Variants in NOS1AP observed in about 807,000 individuals in gnomAD.
The protein encoded by NOS1AP is carboxyl-terminal PDZ ligand of neuronal nitric oxide synthase protein.
A neutral mutation model predicts 56.2 loss-of-function variants in NOS1AP; 21 were observed. The observed-to-expected ratio is 0.37, with a 90% CI of 0.26 to 0.54. The LOEUF (loss-of-function observed/expected upper bound fraction) is 0.54, where lower values mean the gene tolerates loss of function less well. Among genes scored for constraint, NOS1AP ranks in the 20% least tolerant of loss-of-function variants. NOS1AP has a pLI of 0.84. For synonymous variants in NOS1AP, 270 were observed against 274.6 expected (o/e 0.98, Z 0.17); for missense variants, 522 against 657.8 (o/e 0.79, Z 2.26).
chr1:162,184,850 A>G (rs1651374512), intron 2 of NOS1AP, among the ~76,000 whole-genome samples: 1 of 152,222 alleles, frequency 6.6e-6, no homozygotes, highest in African/African-American at 2.4e-5. Flanking sequence ...TTGAATAATC[A>G]ATATAGTCTG....
intron 8 of NOS1AP, among the ~76,000 whole-genome samples, chr1:162,357,677 T>C (rs1657746808): frequency 6.6e-6 from 1 of 151,950 alleles, no homozygotes; most frequent in African/African-American, 2.4e-5. Flanking sequence ...TTCATTATTG[T>C]AGGATTTAAC....
intron 1 of NOS1AP, among the ~76,000 whole-genome samples, chr1:162,118,396 G>A (rs923656630): frequency 6.6e-6 from 1 of 152,176 alleles, no homozygotes; most frequent in Admixed American, 6.5e-5. Flanking sequence ...TAGGACAATG[G>A]CCTCCAGCTA....
intron 2 of NOS1AP, among the ~76,000 whole-genome samples, chr1:162,163,526 G>C (rs1360748914): frequency 6.6e-6 from 1 of 152,170 alleles, no homozygotes; most frequent in African/African-American, 2.4e-5. Context: ...GTTTATAGGG[G>C]TGGGTGCTCT....
At chr1:162,327,792 C>T (rs537763666) in intron 4 of NOS1AP, among the ~76,000 whole-genome samples, 20 of 152,322 alleles carry the variant, frequency 1.3e-4, no homozygotes, top group Non-Finnish European at 2.6e-4. Context: ...TCAGATCCCT[C>T]ACAAATGAGT....
At chr1:162,366,938 G>A in intron 9 of NOS1AP, 114 bp from the exon 10 acceptor site, 12 of 1,212,442 alleles carry the variant, frequency 9.9e-6, no homozygotes, top group Admixed American at 1.7e-5. Context: ...GAGAGGTGCT[G>A]CTAAGCTGGT....
At chr1:162,244,993 C>T (rs920412699) in intron 2 of NOS1AP, among the ~76,000 whole-genome samples, 6 of 152,082 alleles carry the variant, frequency 3.9e-5, no homozygotes, top group Non-Finnish European at 8.8e-5. Flanking sequence ...GAGGGAAGAC[C>T]ATAGCTGCCT....
intron 2 of NOS1AP, among the ~76,000 whole-genome samples, chr1:162,232,533 AGTGT>A (rs60922543): frequency 4.0e-5 from 6 of 150,244 alleles, no homozygotes; most frequent in Non-Finnish European, 5.9e-5. Flanking sequence ...TTGTGCTTAG[AGTGT>A]GTGTGTGTGT....
At chr1:162,142,019 T>C (rs1454020646) in intron 1 of NOS1AP, among the ~76,000 whole-genome samples, 5 of 151,224 alleles carry the variant, frequency 3.3e-5, no homozygotes, top group African/African-American at 4.9e-5. Flanking sequence ...CCAAGCTTTG[T>C]ACTGGGCGCT....
At chr1:162,151,936 G>GTAGT (rs1206948239) in intron 1 of NOS1AP, among the ~76,000 whole-genome samples, 1 of 152,106 alleles carries the variant, frequency 6.6e-6, no homozygotes, top group Admixed American at 6.5e-5. Flanking sequence ...ACCAGCTGGG[G>GTAGT]TAGTGGCTGA....
intron 1 of NOS1AP, among the ~76,000 whole-genome samples, chr1:162,143,529 A>T (rs1649325123): frequency 6.6e-6 from 1 of 152,140 alleles, no homozygotes; most frequent in Non-Finnish European, 1.5e-5. Flanking sequence ...ATCATGGCCC[A>T]CTGTAGCCTT....
intron 2 of NOS1AP, among the ~76,000 whole-genome samples, chr1:162,242,614 C>T (rs182288406): frequency 6.6e-6 from 1 of 152,208 alleles, no homozygotes; most frequent in African/African-American, 2.4e-5. Context: ...AAACCCCAAG[C>T]AAGAACTGCC....
chr1:162,119,987 A>G (rs535598630), intron 1 of NOS1AP, among the ~76,000 whole-genome samples: 1 of 152,246 alleles, frequency 6.6e-6, no homozygotes, highest in East Asian at 1.9e-4. Flanking sequence ...GAATAATAGG[A>G]TGTCTTTGGT....
At chr1:162,327,388 A>G (rs987624967) in intron 4 of NOS1AP, among the ~76,000 whole-genome samples, 2 of 152,340 alleles carry the variant, frequency 1.3e-5, no homozygotes, top group African/African-American at 4.8e-5. Context: ...TTGCAAAATC[A>G]TGAGGGATGG....
chr1:162,213,413 T>G (rs1012920171), intron 2 of NOS1AP, among the ~76,000 whole-genome samples: 1 of 152,194 alleles, frequency 6.6e-6, no homozygotes, highest in Non-Finnish European at 1.5e-5. Flanking sequence ...ACTGATCCTG[T>G]GCAGGCATTT....
At chr1:162,281,066 C>T (rs939283467) in intron 2 of NOS1AP, among the ~76,000 whole-genome samples, 1 of 152,220 alleles carries the variant, frequency 6.6e-6, no homozygotes, top group South Asian at 2.1e-4. Flanking sequence ...TCCCCCCAAT[C>T]ATTACTCCTA....
At chr1:162,177,304 G>A (rs765408145) in intron 2 of NOS1AP, among the ~76,000 whole-genome samples, 5 of 152,146 alleles carry the variant, frequency 3.3e-5, no homozygotes, top group Non-Finnish European at 7.3e-5. Flanking sequence ...CAGTTTTCAC[G>A]TGACTTTGGT....
intron 2 of NOS1AP, among the ~76,000 whole-genome samples, chr1:162,185,784 A>G (rs1651413981): frequency 6.6e-6 from 1 of 152,220 alleles, no homozygotes; most frequent in Non-Finnish European, 1.5e-5. Context: ...TAATATTTGG[A>G]ATGAGGATTT....
chr1:162,112,103 C>T (rs1571019994), intron 1 of NOS1AP, among the ~76,000 whole-genome samples: 1 of 152,122 alleles, frequency 6.6e-6, no homozygotes, highest in East Asian at 1.9e-4. Context: ...TTATTGGTAC[C>T]TTATTTAATG....
chr1:162,264,616 C>T (rs12746557), intron 2 of NOS1AP, among the ~76,000 whole-genome samples: 110,465 of 150,006 alleles, frequency 0.74, 41,220 homozygotes, highest in Non-Finnish European at 0.81. Flanking sequence ...AAGTGATTCT[C>T]GTGCCTCAGC....
Sources: gnomAD v4.1 joint callset for allele counts (sites outside exome capture counted in the v4.1 genomes callset) on GRCh38, gnomAD v4.1.1 for gene constraint, MANE v1.5 for transcripts, NCBI Gene and HGNC (gene_info 2026-07-23, HGNC 2026-07-21) for gene names.